DPYD: variants seen among roughly 807,000 people sequenced by gnomAD.
DPYD encodes the protein dihydropyrimidine dehydrogenase [NADP(+)].
A neutral mutation model predicts 116.2 loss-of-function variants in DPYD; 109 were observed. That is an observed-to-expected ratio of 0.94 (90% CI 0.80 to 1.10). The LOEUF is 1.10. Among genes scored for constraint, DPYD ranks in the 50% least tolerant of loss-of-function variants. DPYD has a pLI of 0.00. For missense variants in DPYD, 1,302 were observed against 1,254.5 expected, an observed-to-expected ratio of 1.04 and a Z score of -0.57; for synonymous variants, 440 against 432.0, an observed-to-expected ratio of 1.02 and a Z score of -0.23.
chr1:97,230,656 C>G (rs577804413), intron 19 of DPYD, among the ~76,000 whole-genome samples: 1 of 152,188 alleles, frequency 6.6e-6, no homozygotes, highest in East Asian at 1.9e-4. Context: ...GAAATCCAAG[C>G]CAATAGACAG....
At chr1:97,736,860 G>GTGTA (rs1228247805) in intron 4 of DPYD, among the ~76,000 whole-genome samples, 1 of 146,876 alleles carries the variant, frequency 6.8e-6, no homozygotes, top group African/African-American at 2.5e-5. Context: ...TTGTGTGTGT[G>GTGTA]TGTGTGTGTG....
chr1:97,586,423 T>A (rs1278350467), intron 10 of DPYD: 3 of 140,278 alleles, frequency 2.1e-5, no homozygotes, highest in Non-Finnish European at 4.6e-5. Context: ...AAACGTTCAC[T>A]TTTAATGAAT....
At chr1:97,481,862 C>A (rs1322636092) in intron 13 of DPYD, among the ~76,000 whole-genome samples, 1 of 152,076 alleles carries the variant, frequency 6.6e-6, no homozygotes, top group South Asian at 2.1e-4. Context: ...TCTCTACTCT[C>A]TCTCTCTCTC....
At chr1:97,285,908 TA>T (rs1333713780) in intron 18 of DPYD, among the ~76,000 whole-genome samples, 2 of 152,216 alleles carry the variant, frequency 1.3e-5, no homozygotes, top group Non-Finnish European at 2.9e-5. Context: ...CTGGACCATT[TA>T]GTCCATTTAC....
At chr1:97,891,243 AG>A (rs1672757553) in intron 1 of DPYD, among the ~76,000 whole-genome samples, 1 of 151,914 alleles carries the variant, frequency 6.6e-6, no homozygotes, top group East Asian at 1.9e-4. Flanking sequence ...ACGTTCCAAC[AG>A]GTCACAGAGT....
At chr1:97,546,985 A>G (rs978247477) in intron 12 of DPYD, 9 of 1,598,458 alleles carry the variant, frequency 5.6e-6, no homozygotes, top group Non-Finnish European at 7.7e-6. Context: ...AATGGACCAT[A>G]GTGTTTGCAC....
intron 13 of DPYD, among the ~76,000 whole-genome samples, chr1:97,464,693 G>T (rs1019184564): frequency 1.3e-5 from 2 of 152,170 alleles, no homozygotes; most frequent in Non-Finnish European, 2.9e-5. Flanking sequence ...ATCAAAAATC[G>T]AGGTTTGGGA....
chr1:97,388,416 T>G (rs1004509885), intron 14 of DPYD, among the ~76,000 whole-genome samples: 23 of 151,968 alleles, frequency 1.5e-4, no homozygotes, highest in Admixed American at 3.3e-4. Context: ...GCTAGATGAC[T>G]TCACAAAAGG....
At chr1:97,434,093 A>G (rs1675327320) in intron 14 of DPYD, among the ~76,000 whole-genome samples, 1 of 152,132 alleles carries the variant, frequency 6.6e-6, no homozygotes, top group African/African-American at 2.4e-5. Context: ...TTTAAAGGAC[A>G]CATTATGAAA....
chr1:97,490,505 A>G (rs1344056860), intron 13 of DPYD, among the ~76,000 whole-genome samples: 10 of 147,936 alleles, frequency 6.8e-5, no homozygotes, highest in Non-Finnish European at 1.5e-4. Context: ...TAATAATTAT[A>G]TTAATAATAT....
chr1:97,660,678 A>G (rs988577614), intron 8 of DPYD, among the ~76,000 whole-genome samples: 1 of 152,080 alleles, frequency 6.6e-6, no homozygotes, highest in Non-Finnish European at 1.5e-5. Context: ...TCCTACTCAA[A>G]GGAGTAAATA....
chr1:97,234,141 C>A (rs1454655621), intron 19 of DPYD, among the ~76,000 whole-genome samples: 1 of 152,094 alleles, frequency 6.6e-6, no homozygotes, highest in Non-Finnish European at 1.5e-5. Context: ...ATATAAAAAG[C>A]TTGGTCCCTA....
intron 18 of DPYD, among the ~76,000 whole-genome samples, chr1:97,248,585 TGA>T (rs1288512103): frequency 1.1e-4 from 16 of 152,072 alleles, no homozygotes; most frequent in African/African-American, 3.9e-4. Context: ...ACCAATCAAC[TGA>T]ATAAAAGAGA....
intron 18 of DPYD, among the ~76,000 whole-genome samples, chr1:97,289,164 A>G (rs1462034967): frequency 2.0e-5 from 3 of 152,222 alleles, no homozygotes; most frequent in Non-Finnish European, 4.4e-5. Flanking sequence ...GAATAGAGCA[A>G]TAACAGGCTC....
At chr1:97,680,110 G>A (rs1320326194) in intron 7 of DPYD, among the ~76,000 whole-genome samples, 1 of 152,148 alleles carries the variant, frequency 6.6e-6, no homozygotes, top group Non-Finnish European at 1.5e-5. Context: ...CTCAGTTAGT[G>A]ATCGTTCTCC....
In DPYD at chr1:97,721,690, A is replaced by G. The variant is rs1195123968; in HGVS notation, c.322-19T>C. On this transcript the variant is annotated intron_variant, in intron 4 of 22. Transcript: ENST00000370192. Reference sequence around the variant, plus strand: ...AATAGTTCTGCAAAATTAATACAAAATAAAATTTTACTACTTAAAAATATA... The same window carrying G: ...AATAGTTCTGCAAAATTAATACAAAGTAAAATTTTACTACTTAAAAATATA... 2 of 1,607,498 alleles carry G rather than the reference A, an allele frequency of 1.2e-6. No homozygotes were observed. Among genetic ancestry groups the G allele is most frequent in the Non-Finnish European group, 1.7e-6 (2 of 1,175,716 alleles).
chr1:97,582,541 T>A (rs1653763903), intron 10 of DPYD, among the ~76,000 whole-genome samples: 1 of 152,134 alleles, frequency 6.6e-6, no homozygotes, highest in Admixed American at 6.5e-5. Flanking sequence ...TTTTGACTTA[T>A]TTTATTTTGA....
chr1:97,457,167 C>T (rs1176869922), intron 13 of DPYD, among the ~76,000 whole-genome samples: 2 of 150,054 alleles, frequency 1.3e-5, no homozygotes, highest in Admixed American at 6.7e-5. Context: ...AAAAAATGTA[C>T]GACCTGATTA....
chr1:97,883,743 G>C, intron 1 of DPYD: 2 of 363,084 alleles, frequency 5.5e-6, no homozygotes, highest in South Asian at 4.6e-5. Context: ...CACCATGTCT[G>C]GTAGCATTTT....
Sources: gnomAD v4.1 joint callset for allele counts (sites outside exome capture counted in the v4.1 genomes callset) on GRCh38, gnomAD v4.1.1 for gene constraint, MANE v1.5 for transcripts, NCBI Gene and HGNC (gene_info 2026-07-23, HGNC 2026-07-21) for gene names.